The following PTPRD variants were observed in gnomAD, a reference collection of about 807,000 sequenced individuals.
PTPRD encodes receptor-type tyrosine-protein phosphatase delta.
Under a neutral mutation model 214.5 loss-of-function variants are expected in PTPRD, and 34 were observed. The ratio of observed to expected loss-of-function variants is 0.16; its 90% CI spans 0.12 to 0.21. The LOEUF is 0.21. Ranked by LOEUF, PTPRD falls within the 10% of genes least tolerant of loss-of-function variation. PTPRD has a pLI of 1.00. For missense variants in PTPRD, 2,545 were observed against 2,398.7 expected, an observed-to-expected ratio of 1.06 and a Z score of -1.27; for synonymous variants, 1,128 against 845.7, an observed-to-expected ratio of 1.33 and a Z score of -5.79.
intron 27 of PTPRD, among the ~76,000 whole-genome samples, chr9:8,492,354 C>T (rs1156504397): frequency 2.0e-5 from 3 of 152,152 alleles, no homozygotes; most frequent in Non-Finnish European, 2.9e-5. Context: ...TGATCCTTCA[C>T]GTCATTTGAG....
chr9:9,500,623 G>T (rs538384738), intron 8 of PTPRD, among the ~76,000 whole-genome samples: 1 of 152,096 alleles, frequency 6.6e-6, no homozygotes, highest in South Asian at 2.1e-4. Flanking sequence ...TTGTACTAAA[G>T]AAATATTAAA....
At chr9:9,630,368 A>G (rs1174837154) in intron 7 of PTPRD, among the ~76,000 whole-genome samples, 1 of 152,138 alleles carries the variant, frequency 6.6e-6, no homozygotes, top group South Asian at 2.1e-4. Context: ...TCATTAACCT[A>G]AAGGAGAAGG....
intron 4 of PTPRD, among the ~76,000 whole-genome samples, chr9:9,949,869 C>T (rs537811893): frequency 1.3e-5 from 2 of 152,226 alleles, no homozygotes; most frequent in East Asian, 3.9e-4. Flanking sequence ...TTGATGACCG[C>T]ATTGAGTTAT....
chr9:9,211,135 A>G (rs1021147689), intron 9 of PTPRD, among the ~76,000 whole-genome samples: 4 of 151,786 alleles, frequency 2.6e-5, no homozygotes, highest in Non-Finnish European at 4.4e-5. Context: ...TTTTTTCCAC[A>G]GTCATATGTA....
At chr9:9,560,288 C>T (rs1223947617) in intron 8 of PTPRD, among the ~76,000 whole-genome samples, 1 of 152,180 alleles carries the variant, frequency 6.6e-6, no homozygotes, top group Non-Finnish European at 1.5e-5. Context: ...CTAATAGCTT[C>T]TCATGCTCTA....
intron 3 of PTPRD, among the ~76,000 whole-genome samples, chr9:10,087,139 T>G (rs986269398): frequency 4.9e-5 from 4 of 81,162 alleles, no homozygotes; most frequent in Admixed American, 1.5e-4. Context: ...GTTTTAGAGT[T>G]TTTTTTTTTT....
chr9:9,114,780 G>A (rs541809589), intron 10 of PTPRD, among the ~76,000 whole-genome samples: 19 of 152,172 alleles, frequency 1.2e-4, no homozygotes, highest in Admixed American at 1.0e-3. Context: ...AGGGGGAGAT[G>A]GCTTTGAAAC....
intron 3 of PTPRD, among the ~76,000 whole-genome samples, chr9:10,322,301 G>C (rs1019010423): frequency 1.3e-5 from 2 of 151,968 alleles, no homozygotes; most frequent in East Asian, 3.9e-4. Flanking sequence ...AAAAGTGAAG[G>C]AAACCACAAA....
chr9:9,336,051 A>C (rs1217203220), intron 9 of PTPRD, among the ~76,000 whole-genome samples: 2 of 152,164 alleles, frequency 1.3e-5, no homozygotes, highest in Middle Eastern at 3.2e-3. Flanking sequence ...TAAAAAGAAT[A>C]TTACATATAT....
chr9:9,844,609 A>G (rs1208439133), intron 5 of PTPRD, among the ~76,000 whole-genome samples: 1 of 151,996 alleles, frequency 6.6e-6, no homozygotes, highest in Non-Finnish European at 1.5e-5. Flanking sequence ...ATAGGGGAGA[A>G]AGGACAAAAT....
At chr9:10,296,630 T>G (rs910202614) in intron 3 of PTPRD, among the ~76,000 whole-genome samples, 1 of 152,054 alleles carries the variant, frequency 6.6e-6, no homozygotes, top group African/African-American at 2.4e-5. Context: ...ATTGGCTGTC[T>G]GTGCAGTGAG....
chr9:8,748,109 C>T (rs2093046971), intron 11 of PTPRD, among the ~76,000 whole-genome samples: 1 of 152,206 alleles, frequency 6.6e-6, no homozygotes, highest in Non-Finnish European at 1.5e-5. Context: ...ACAACAACTA[C>T]TATGCCCCAA....
At chr9:8,885,682 A>T (rs1428829680) in intron 11 of PTPRD, among the ~76,000 whole-genome samples, 1 of 151,588 alleles carries the variant, frequency 6.6e-6, no homozygotes, top group Non-Finnish European at 1.5e-5. Flanking sequence ...TTTTTAGTAG[A>T]GATGGGGTTT....
chr9:9,946,500 G>A (rs141464932), intron 4 of PTPRD, among the ~76,000 whole-genome samples: 48 of 152,170 alleles, frequency 3.2e-4, no homozygotes, highest in Non-Finnish European at 5.7e-4. Context: ...GGGTTCAATA[G>A]CTGATTATTA....
Position 8,341,690 on chromosome 9 carries a change from T to C in PTPRD, c.4947+3A>G, listed in dbSNP as rs1217728789. The C allele has an allele frequency of 5.0e-6, 8 of 1,613,062 alleles. No homozygotes were observed. The highest frequency in any genetic ancestry group is 1.6e-4 in the Middle Eastern group (1 of 6,076). On this transcript the variant is annotated splice_donor_region_variant and intron_variant, in intron 40 of 45. Transcript: ENST00000381196. ...AATAACCACATCACATCCAATACCA[T>C]ACCTTAAATTCGAGCTCCATTCCTG...
intron 5 of PTPRD, among the ~76,000 whole-genome samples, chr9:9,920,951 C>G (rs1481602836): frequency 3.3e-5 from 5 of 152,090 alleles, no homozygotes; most frequent in Admixed American, 3.3e-4. Flanking sequence ...ATACTAAAAT[C>G]TGACAGAGCG....
At chr9:9,817,497 T>C (rs2049142013) in intron 5 of PTPRD, among the ~76,000 whole-genome samples, 1 of 152,184 alleles carries the variant, frequency 6.6e-6, no homozygotes, top group African/African-American at 2.4e-5. Context: ...CAAATATGTC[T>C]TTAGAGGCCA....
chr9:9,638,120 C>A (rs1483114778), intron 7 of PTPRD, among the ~76,000 whole-genome samples: 5 of 152,136 alleles, frequency 3.3e-5, no homozygotes, highest in Non-Finnish European at 7.3e-5. Context: ...TACTAATATC[C>A]ATATCAAACC....
intron 12 of PTPRD, among the ~76,000 whole-genome samples, chr9:8,667,015 A>C (rs1170284674): frequency 1.3e-5 from 2 of 152,194 alleles, no homozygotes; most frequent in Non-Finnish European, 2.9e-5. Flanking sequence ...TATACACAAA[A>C]ATAAAGGGAA....
Sources: gnomAD v4.1 joint callset for allele counts (sites outside exome capture counted in the v4.1 genomes callset) on GRCh38, gnomAD v4.1.1 for gene constraint, MANE v1.5 for transcripts, NCBI Gene and HGNC (gene_info 2026-07-23, HGNC 2026-07-21) for gene names.